TBC1D22A: variants seen among roughly 807,000 people sequenced by gnomAD.
The protein encoded by TBC1D22A is TBC1 domain family member 22A.
In TBC1D22A, 38 loss-of-function variants were observed where a neutral mutation model predicts 60.2. The observed-to-expected ratio is 0.63, with a 90% CI of 0.49 to 0.83. The LOEUF is 0.83. Among genes scored for constraint, TBC1D22A ranks in the 40% least tolerant of loss-of-function variants. TBC1D22A has a pLI of 0.00. For missense variants in TBC1D22A, 628 were observed against 701.0 expected (o/e 0.90, Z 1.18); for synonymous variants, 302 against 281.7 (o/e 1.07, Z -0.72).
intron 4 of TBC1D22A, among the ~76,000 whole-genome samples, chr22:46,801,140 A>G (rs1250688413): frequency 4.6e-5 from 7 of 152,226 alleles, no homozygotes; most frequent in Admixed American, 6.5e-5. Context: ...CTTTCTTTAT[A>G]ATTCTATGTA....
chr22:46,934,200 T>C (rs1452492316), intron 8 of TBC1D22A, among the ~76,000 whole-genome samples: 4 of 152,218 alleles, frequency 2.6e-5, no homozygotes. Flanking sequence ...TCTTTGCAGA[T>C]AACTAAGGAA....
At chr22:46,796,375 C>T (rs971520271) in intron 3 of TBC1D22A, among the ~76,000 whole-genome samples, 8 of 152,108 alleles carry the variant, frequency 5.3e-5, no homozygotes, top group Admixed American at 3.3e-4. Flanking sequence ...GGAAGGAGGG[C>T]GCGGGGGAGT....
intron 5 of TBC1D22A, among the ~76,000 whole-genome samples, chr22:46,883,628 T>A (rs2067961933): frequency 6.6e-6 from 1 of 152,162 alleles, no homozygotes; most frequent in Non-Finnish European, 1.5e-5. Context: ...TCACTATGGA[T>A]TTTTTGTTGC....
intron 12 of TBC1D22A, among the ~76,000 whole-genome samples, chr22:47,120,508 G>A (rs2066233477): frequency 6.6e-6 from 1 of 152,260 alleles, no homozygotes; most frequent in Non-Finnish European, 1.5e-5. Flanking sequence ...CCTAGAACTA[G>A]TGTTTGCCCT....
At chr22:47,018,585 T>C (rs1296101140) in intron 10 of TBC1D22A, among the ~76,000 whole-genome samples, 2 of 152,164 alleles carry the variant, frequency 1.3e-5, no homozygotes, top group African/African-American at 2.4e-5. Context: ...CAGTCACTGT[T>C]GGTGGCTGTT....
At chr22:47,026,510 G>A (rs1383746142) in intron 10 of TBC1D22A, among the ~76,000 whole-genome samples, 1 of 152,180 alleles carries the variant, frequency 6.6e-6, no homozygotes, top group Non-Finnish European at 1.5e-5. Flanking sequence ...TTGAAAGTCT[G>A]ATGGCATTTA....
At chr22:46,918,330 C>T (rs890626656) in intron 8 of TBC1D22A, among the ~76,000 whole-genome samples, 2 of 152,192 alleles carry the variant, frequency 1.3e-5, no homozygotes, top group African/African-American at 2.4e-5. Flanking sequence ...TATGTGTTTT[C>T]GGAAGCTTTC....
At position 46,943,313 on chromosome 22, in the gene TBC1D22A, G is replaced by A. The variant is rs185703333; in HGVS notation, c.1016-30977G>A. Among the ~76,000 whole-genome samples, 234 of 152,288 alleles carry A rather than the reference G, an allele frequency of 1.5e-3. 1 individual carries two copies. Among genetic ancestry groups the A allele is most frequent in the African/African-American group, 5.4e-3 (223 of 41,554 alleles). Reference sequence around the variant, plus strand: ...TGGAGGCTGCCCAGCTGTCCTAGCCGGGGGCAGAAAGCAACCTTGTGTTTT... The same window carrying A: ...TGGAGGCTGCCCAGCTGTCCTAGCCAGGGGCAGAAAGCAACCTTGTGTTTT... On this transcript the variant is annotated intron_variant, in intron 8 of 12. Coordinates refer to ENST00000337137, the MANE Select transcript of TBC1D22A (RefSeq NM_014346.5).
At chr22:46,977,653 T>C (rs2074354799) in intron 9 of TBC1D22A, among the ~76,000 whole-genome samples, 1 of 152,132 alleles carries the variant, frequency 6.6e-6, no homozygotes, top group South Asian at 2.1e-4. Flanking sequence ...AGAAAGAGGT[T>C]TAATTAGCTC....
In TBC1D22A at chr22:46,899,406, C is replaced by A. The variant is rs1244791197; in HGVS notation, c.900+4560C>A. ...AGGCTGCAGTGAGCCGAGGTGGCGC[C>A]ACTGCACTCCAGCCTGGGTGACAGA... On this transcript the variant is annotated intron_variant, in intron 7 of 12. Coordinates refer to ENST00000337137, the MANE Select transcript of TBC1D22A (RefSeq NM_014346.5). Among the ~76,000 whole-genome samples the A allele has an allele frequency of 3.3e-5, 5 of 151,366 alleles. No homozygotes were observed. In the East Asian group the frequency reaches 9.7e-4, roughly 29 times the overall value.
intron 8 of TBC1D22A, among the ~76,000 whole-genome samples, chr22:46,968,121 G>A (rs567342648): frequency 2.4e-4 from 36 of 152,352 alleles, no homozygotes; most frequent in African/African-American, 7.2e-4. Flanking sequence ...CACGCACTGC[G>A]TGGCATGGCT....
chr22:47,046,817 T>C (rs1041279970), intron 11 of TBC1D22A, among the ~76,000 whole-genome samples: 8 of 151,938 alleles, frequency 5.3e-5, no homozygotes, highest in African/African-American at 1.9e-4. Context: ...GAGCCCTGGA[T>C]CCCCCCAGAT....
intron 6 of TBC1D22A, among the ~76,000 whole-genome samples, chr22:46,894,554 C>T (rs1478939050): frequency 6.6e-6 from 1 of 152,204 alleles, no homozygotes; most frequent in African/African-American, 2.4e-5. Flanking sequence ...TGGATAGGGA[C>T]AGTGTCAAGC....
chr22:46,824,253 G>A lies in TBC1D22A; in HGVS notation c.637+26633G>A, dbSNP rs1006169277. Among the ~76,000 whole-genome samples the A allele has an allele frequency of 3.3e-5, 5 of 152,200 alleles. No homozygotes were observed. In the South Asian group the frequency reaches 8.3e-4, roughly 25 times the overall value. On this transcript the variant is annotated intron_variant, in intron 4 of 12. Transcript: ENST00000337137. The stretch of plus-strand genomic sequence containing the variant: ...GTGGCTCGAGGCTCCTGTGTTGGAC[G>A]GTGCAGGGGTGAAGAAGGGGCTGCT...
At chr22:47,101,932 C>T (rs1165975671) in intron 11 of TBC1D22A, among the ~76,000 whole-genome samples, 1 of 152,224 alleles carries the variant, frequency 6.6e-6, no homozygotes, top group African/African-American at 2.4e-5. Context: ...GAGCACTCCA[C>T]TCCCAATCCA....
At chr22:47,052,786 C>T (rs190922157) in intron 11 of TBC1D22A, among the ~76,000 whole-genome samples, 17 of 152,352 alleles carry the variant, frequency 1.1e-4, no homozygotes, top group African/African-American at 3.6e-4. Flanking sequence ...CGGGCATCTT[C>T]CTGTCCTTCC....
intron 4 of TBC1D22A, among the ~76,000 whole-genome samples, chr22:46,799,036 T>C (rs931203691): frequency 9.9e-6 from 1 of 100,912 alleles, no homozygotes; most frequent in Non-Finnish European, 2.4e-5. Context: ...CTTCCTTATG[T>C]TTGTTTTTTT....
chr22:47,034,719 A>T (rs547005212), intron 10 of TBC1D22A, among the ~76,000 whole-genome samples: 1 of 152,174 alleles, frequency 6.6e-6, no homozygotes, highest in African/African-American at 2.4e-5. Flanking sequence ...TGTGCCGGGG[A>T]CTTTGGACGA....
chr22:47,033,969 T>G (rs1485128031), intron 10 of TBC1D22A, among the ~76,000 whole-genome samples: 3 of 152,176 alleles, frequency 2.0e-5, no homozygotes, highest in Admixed American at 2.0e-4. Flanking sequence ...CTTTGGTCTC[T>G]CTGTCCCCCG....
Sources: allele counts gnomAD v4.1 joint callset (sites outside exome capture counted in the v4.1 genomes callset), GRCh38; gene constraint gnomAD v4.1.1; transcripts MANE v1.5; gene names NCBI Gene and HGNC (gene_info 2026-07-23, HGNC 2026-07-21).